P3H2: variants seen among roughly 807,000 people sequenced by gnomAD.
P3H2 encodes the protein leprecan-like 1.
Under a neutral mutation model 87.0 loss-of-function variants are expected in P3H2, and 80 were observed. That is an observed-to-expected ratio of 0.92 (90% CI 0.77 to 1.11). The LOEUF (loss-of-function observed/expected upper bound fraction) is 1.11. P3H2 is among the 50% of genes least tolerant of loss of function. The probability of loss-of-function intolerance (pLI) is 0.00; values close to 1 mark genes in which losing one functional copy is unlikely to be tolerated. For synonymous variants in P3H2, 367 were observed against 359.3 expected (o/e 1.02, Z -0.24); for missense variants, 1,001 against 923.9 (o/e 1.08, Z -1.08).
In P3H2 at chr3:189,957,922, T is replaced by A; in HGVS notation, c.2117A>T (p.Asp706Val). ...GKHELNINPKDEL is the reference protein window; with the variant it reads ...GKHELNINPKVEL ...CATTCTTTCTCATTTTTATAGCTCA[T>A]CTTTAGGGTTGATATTCAGTTCATG... Residue 706 changes from aspartate (D) to valine (V), a missense_variant, in exon 15 of 15, where the codon GAT (aspartate) becomes GTT (valine). Asp to Val is a radical substitution (Grantham distance 152, BLOSUM62 -3). Coordinates refer to ENST00000319332, the MANE Select transcript of P3H2 (RefSeq NM_018192.4). 1.3e-6 allele frequency: 2 copies of A among 1,599,466 alleles called. No individual in the cohort carries two copies. Among genetic ancestry groups the A allele is most frequent in the African/African-American group, 2.7e-5 (2 of 74,748 alleles).
At chr3:189,981,699 G>C (rs1374429624) in intron 8 of P3H2, among the ~76,000 whole-genome samples, 1 of 152,116 alleles carries the variant, frequency 6.6e-6, no homozygotes, top group Non-Finnish European at 1.5e-5. Flanking sequence ...CTGGTAGCCA[G>C]GGGAAAAAAA....
intron 1 of P3H2, among the ~76,000 whole-genome samples, chr3:190,056,769 C>T (rs1343867118): frequency 6.6e-6 from 1 of 152,202 alleles, no homozygotes; most frequent in East Asian, 1.9e-4. Flanking sequence ...CGGTCTATTT[C>T]TATAAATCCA....
chr3:190,032,053 C>T (rs982535741), intron 1 of P3H2, among the ~76,000 whole-genome samples: 16 of 152,156 alleles, frequency 1.1e-4, no homozygotes, highest in African/African-American at 3.9e-4. Context: ...AGATCCCTGT[C>T]TTATGGGAGT....
At chr3:190,046,817 T>C (rs1325394796) in intron 1 of P3H2, among the ~76,000 whole-genome samples, 1 of 152,146 alleles carries the variant, frequency 6.6e-6, no homozygotes, top group Non-Finnish European at 1.5e-5. Context: ...TAATTTACCC[T>C]ATTAAGCCAC....
chr3:190,095,226 A>C (rs1577320970), intron 1 of P3H2, among the ~76,000 whole-genome samples: 1 of 149,104 alleles, frequency 6.7e-6, no homozygotes, highest in East Asian at 2.0e-4. Context: ...CAGACATTAA[A>C]TATCTAACCC....
At chr3:189,959,857 GAT>G (rs1286971179) in intron 14 of P3H2, among the ~76,000 whole-genome samples, 59 of 114,738 alleles carry the variant, frequency 5.1e-4, no homozygotes, top group African/African-American at 1.9e-3. Context: ...GACTGGAGGA[GAT>G]ATGTGTGTGT....
At chr3:190,042,581 T>A (rs1320487221) in intron 1 of P3H2, among the ~76,000 whole-genome samples, 1 of 152,182 alleles carries the variant, frequency 6.6e-6, no homozygotes, top group Non-Finnish European at 1.5e-5. Flanking sequence ...AATAAAAGAT[T>A]TTCAAAATTA....
At chr3:190,108,757 C>G (rs1004985831) in intron 1 of P3H2, among the ~76,000 whole-genome samples, 1 of 149,368 alleles carries the variant, frequency 6.7e-6, no homozygotes, top group African/African-American at 2.5e-5. Flanking sequence ...TAAAAGGCCT[C>G]AGTATTTTTT....
At position 189,986,775 on chromosome 3, in the gene P3H2, T is replaced by C. The variant is rs769232683; in HGVS notation, c.1188+13A>G. On this transcript the variant is annotated intron_variant, in intron 6 of 14. Coordinates refer to ENST00000319332, the MANE Select transcript of P3H2 (RefSeq NM_018192.4). ...AATCATTATTTTAATAAACGTTTCCTCTTTCCTCTTACCGGTTCAGTGTAT... is the reference window on the plus strand; with the variant it reads ...AATCATTATTTTAATAAACGTTTCCCCTTTCCTCTTACCGGTTCAGTGTAT... 2 of 1,550,100 alleles carry C rather than the reference T, an allele frequency of 1.3e-6. No individual in the cohort carries two copies. The highest frequency in any genetic ancestry group is 1.8e-6 in the Non-Finnish European group (2 of 1,121,664).
Position 190,019,783 on chromosome 3 carries a change from AAAAT to A in P3H2, c.481-24345_481-24342del, listed in dbSNP as rs1196001428. Among the ~76,000 whole-genome samples, 801 of 99,168 alleles carry A rather than the reference AAAAT, an allele frequency of 8.1e-3. 109 individuals are homozygous for A. The highest frequency in any genetic ancestry group is 0.03 in the African/African-American group (713 of 23,656). 65.1% of individuals were successfully genotyped at this position (99,168 alleles called of 152,430 possible). A position where few individuals can be genotyped will look rare whatever the true frequency, so the allele number is the denominator to read the frequency against. Reference sequence around the variant, plus strand: ...CCATGTGACATTACCTAGAAATTAAAAAATATATATATATATATATATATATATA... The same window carrying A: ...CCATGTGACATTACCTAGAAATTAAAATATATATATATATATATATATATA... On this transcript the variant is annotated intron_variant, in intron 1 of 14. Coordinates refer to ENST00000319332, the MANE Select transcript of P3H2 (RefSeq NM_018192.4).
At position 190,090,864 on chromosome 3, in the gene P3H2, T is replaced by C. The variant is rs559064621; in HGVS notation, c.480+29388A>G. Among the ~76,000 whole-genome samples, 71 of 152,314 alleles carry C rather than the reference T, an allele frequency of 4.7e-4. No individual in the cohort carries two copies. The South Asian group carries it at 7.2e-3, about 16-fold the overall frequency. On this transcript the variant is annotated intron_variant, in intron 1 of 14. Coordinates refer to ENST00000319332, the MANE Select transcript of P3H2 (RefSeq NM_018192.4). ...CTCTGTGTGGAATGTTTTACTCCTT[T>C]GCAAGACGTAACTTCAGTGTCAATT...
chr3:190,050,393 G>A (rs939892300), intron 1 of P3H2, among the ~76,000 whole-genome samples: 2 of 152,136 alleles, frequency 1.3e-5, no homozygotes, highest in African/African-American at 2.4e-5. Flanking sequence ...TTAAATGAAT[G>A]CATCAAATTA....
chr3:190,061,586 C>A (rs146283815), intron 1 of P3H2, among the ~76,000 whole-genome samples: 172 of 152,170 alleles, frequency 1.1e-3, no homozygotes, highest in Non-Finnish European at 2.1e-3. Context: ...TAGTACTAAA[C>A]CTTTTAGAGT....
At chr3:190,038,586 A>T (rs1725500380) in intron 1 of P3H2, among the ~76,000 whole-genome samples, 1 of 152,146 alleles carries the variant, frequency 6.6e-6, no homozygotes, top group African/African-American at 2.4e-5. Flanking sequence ...TTCTGCCTAA[A>T]GCTCCAGGGA....
At chr3:189,966,989 G>T (rs757542437) in intron 13 of P3H2, among the ~76,000 whole-genome samples, 1 of 152,090 alleles carries the variant, frequency 6.6e-6, no homozygotes, top group Non-Finnish European at 1.5e-5. Flanking sequence ...TCCTTATGTG[G>T]CCTCAAGTTA....
chr3:189,978,659 A>C (rs929525894), intron 8 of P3H2, among the ~76,000 whole-genome samples: 9 of 152,136 alleles, frequency 5.9e-5, no homozygotes, highest in African/African-American at 2.2e-4. Context: ...TACATTTAAC[A>C]AAAACGACCC....
intron 3 of P3H2, among the ~76,000 whole-genome samples, chr3:189,991,791 G>A (rs918651090): frequency 6.6e-6 from 1 of 152,230 alleles, no homozygotes; most frequent in African/African-American, 2.4e-5. Context: ...CAAGTGGAGT[G>A]TAAACCATTT....
intron 1 of P3H2, among the ~76,000 whole-genome samples, chr3:190,026,088 A>T (rs1397029258): frequency 6.6e-6 from 1 of 152,182 alleles, no homozygotes; most frequent in Non-Finnish European, 1.5e-5. Flanking sequence ...GTCAGTTTAC[A>T]AAACTGGCAG....
At chr3:189,972,779 A>G in intron 11 of P3H2, 95 bp downstream of exon 11, 1 of 1,325,522 alleles carries the variant, frequency 7.5e-7, no homozygotes, top group South Asian at 1.2e-5. Context: ...TTCGTCTAAA[A>G]TATTAATCTA....
Sources: allele counts gnomAD v4.1 joint callset (sites outside exome capture counted in the v4.1 genomes callset), GRCh38; gene constraint gnomAD v4.1.1; transcripts MANE v1.5; gene names NCBI Gene and HGNC (gene_info 2026-07-23, HGNC 2026-07-21).